Variants in KCNMB2 observed in about 807,000 individuals in gnomAD.
The protein encoded by KCNMB2 is potassium calcium-activated channel subfamily M regulatory beta subunit 2, also known as calcium-activated potassium channel subunit beta-2.
Under a neutral mutation model 24.5 loss-of-function variants are expected in KCNMB2, and 9 were observed. The observed-to-expected ratio is 0.37, with a 90% confidence interval of 0.22 to 0.64. The LOEUF (loss-of-function observed/expected upper bound fraction) is 0.64, where lower values mean the gene tolerates loss of function less well. Ranked by LOEUF, KCNMB2 falls within the 30% of genes least tolerant of loss-of-function variation. The pLI, the probability that KCNMB2 is intolerant of heterozygous loss-of-function variation, is 0.63. For synonymous variants in KCNMB2, 109 were observed against 104.4 expected (o/e 1.04, Z -0.27); for missense variants, 226 against 284.3 (o/e 0.79, Z 1.47).
chr3:178,813,967 G>C (rs1714299086), intron 2 of KCNMB2, among the ~76,000 whole-genome samples: 1 of 145,816 alleles, frequency 6.9e-6, no homozygotes, highest in Non-Finnish European at 1.5e-5. Context: ...TGTTGTTGTT[G>C]TTGTTGTTGT....
intron 1 of KCNMB2, among the ~76,000 whole-genome samples, chr3:178,785,397 AATAATTG>A (rs1320427681): frequency 6.6e-6 from 1 of 152,002 alleles, no homozygotes; most frequent in Non-Finnish European, 1.5e-5. Context: ...CAGTAATAAC[AATAATTG>A]ATAATTGCCA....
At chr3:178,677,262 C>A (rs1205436289) in intron 1 of KCNMB2, among the ~76,000 whole-genome samples, 1 of 152,182 alleles carries the variant, frequency 6.6e-6, no homozygotes, top group African/African-American at 2.4e-5. Context: ...TTCCTCCTAA[C>A]CTCTACATAT....
At chr3:178,801,385 T>C (rs1446975816) in intron 1 of KCNMB2, among the ~76,000 whole-genome samples, 1 of 152,198 alleles carries the variant, frequency 6.6e-6, no homozygotes, top group African/African-American at 2.4e-5. Context: ...ATGTATTCTC[T>C]CTTATTTCAT....
intron 1 of KCNMB2, among the ~76,000 whole-genome samples, chr3:178,689,396 G>C (rs1441373962): frequency 6.6e-6 from 1 of 152,162 alleles, no homozygotes; most frequent in Non-Finnish European, 1.5e-5. Context: ...AGCACTTTGG[G>C]AGGCTGAGAT....
chr3:178,759,139 G>GATATATAT (rs201505124), intron 1 of KCNMB2, among the ~76,000 whole-genome samples: 1 of 17,440 alleles, frequency 5.7e-5, no homozygotes, highest in African/African-American at 3.0e-4. Context: ...CTCCAAGAGG[G>GATATATAT]ATATATATAT....
At chr3:178,784,235 T>A (rs1209774336) in intron 1 of KCNMB2, among the ~76,000 whole-genome samples, 1 of 152,208 alleles carries the variant, frequency 6.6e-6, no homozygotes. Flanking sequence ...TCTTCTTGCA[T>A]CATAGCAAAA....
At chr3:178,784,301 T>G (rs1441252464) in intron 1 of KCNMB2, among the ~76,000 whole-genome samples, 1 of 152,150 alleles carries the variant, frequency 6.6e-6, no homozygotes, top group Non-Finnish European at 1.5e-5. Context: ...GACATTGAGA[T>G]TCAGAGGTTA....
intron 1 of KCNMB2, among the ~76,000 whole-genome samples, chr3:178,794,027 C>A (rs1255439554): frequency 3.3e-5 from 5 of 152,166 alleles, no homozygotes; most frequent in Non-Finnish European, 1.5e-5. Flanking sequence ...AAGGTCTTCA[C>A]AGGCTGGACA....
At chr3:178,803,478 A>C (rs1196219223) in intron 1 of KCNMB2, among the ~76,000 whole-genome samples, 2 of 152,218 alleles carry the variant, frequency 1.3e-5, no homozygotes, top group African/African-American at 4.8e-5. Context: ...GTCACAGTGC[A>C]TGAGGCCAAA....
chr3:178,552,264 G>A (rs1398277527), intron 1 of KCNMB2, among the ~76,000 whole-genome samples: 2 of 152,158 alleles, frequency 1.3e-5, no homozygotes, highest in African/African-American at 4.8e-5. Flanking sequence ...GAGGAGTTGC[G>A]AAAGAGAAAG....
intron 1 of KCNMB2, among the ~76,000 whole-genome samples, chr3:178,778,930 C>T (rs1047485895): frequency 6.7e-6 from 1 of 148,964 alleles, no homozygotes; most frequent in African/African-American, 2.4e-5. Context: ...GGAGTCCATA[C>T]TGCAGCCTGA....
intron 1 of KCNMB2, among the ~76,000 whole-genome samples, chr3:178,751,606 G>C (rs1318340658): frequency 3.4e-5 from 3 of 87,984 alleles, no homozygotes; most frequent in East Asian, 9.6e-4. Flanking sequence ...AAAAAAAAAA[G>C]CAGTTACAAG....
At chr3:178,702,890 G>A (rs962110684) in intron 1 of KCNMB2, among the ~76,000 whole-genome samples, 6 of 152,146 alleles carry the variant, frequency 3.9e-5, no homozygotes, top group African/African-American at 1.4e-4. Flanking sequence ...TGCTTAAGTA[G>A]CTTTATCCTA....
chr3:178,545,094 C>A (rs984305541), intron 1 of KCNMB2, among the ~76,000 whole-genome samples: 1 of 152,096 alleles, frequency 6.6e-6, no homozygotes, highest in East Asian at 1.9e-4. Flanking sequence ...CCTTTGCACA[C>A]CATGGTGTAG....
chr3:178,633,119 C>A (rs934914288), intron 1 of KCNMB2, among the ~76,000 whole-genome samples: 13 of 152,168 alleles, frequency 8.5e-5, no homozygotes, highest in African/African-American at 2.2e-4. Flanking sequence ...AGGGTACAGC[C>A]CCCCCGCCAG....
intron 1 of KCNMB2, among the ~76,000 whole-genome samples, chr3:178,636,898 T>G (rs1719546171): frequency 6.6e-6 from 1 of 152,096 alleles, no homozygotes; most frequent in Admixed American, 6.5e-5. Flanking sequence ...TGTTCCCCCA[T>G]GTGTCCACGT....
At chr3:178,603,728 C>T (rs752287289) in intron 1 of KCNMB2, among the ~76,000 whole-genome samples, 67 of 152,038 alleles carry the variant, frequency 4.4e-4, no homozygotes, top group Admixed American at 7.9e-4. Context: ...GCAGTACTGA[C>T]GTGATGATAC....
chr3:178,619,802 A>G (rs1718843286), intron 1 of KCNMB2, among the ~76,000 whole-genome samples: 1 of 152,196 alleles, frequency 6.6e-6, no homozygotes, highest in South Asian at 2.1e-4. Flanking sequence ...AGAGAAATGG[A>G]AGCCTTTTGT....
intron 1 of KCNMB2, among the ~76,000 whole-genome samples, chr3:178,622,036 A>C (rs1718942085): frequency 6.6e-6 from 1 of 152,224 alleles, no homozygotes; most frequent in African/African-American, 2.4e-5. Context: ...TCATTTATAA[A>C]ATAAGATATT....
Sources: allele counts gnomAD v4.1 joint callset (sites outside exome capture counted in the v4.1 genomes callset), GRCh38; gene constraint gnomAD v4.1.1; transcripts MANE v1.5; gene names NCBI Gene and HGNC (gene_info 2026-07-23, HGNC 2026-07-21).